The following CDH2 variants were observed in gnomAD, a reference collection of about 807,000 sequenced individuals.
CDH2 encodes the protein cadherin-2.
Under a neutral mutation model 92.0 loss-of-function variants are expected in CDH2, and 17 were observed. The ratio of observed to expected loss-of-function variants is 0.18; its 90% confidence interval spans 0.13 to 0.28. The LOEUF is 0.28. Among genes scored for constraint, CDH2 ranks in the 10% least tolerant of loss-of-function variants. CDH2 has a pLI of 1.00. For missense variants in CDH2, 862 were observed against 1,133.1 expected (o/e 0.76, Z 3.44); for synonymous variants, 419 against 415.9 (o/e 1.01, Z -0.09).
intron 14 of CDH2, among the ~76,000 whole-genome samples, chr18:27,975,458 G>C (rs972996069): frequency 4.6e-5 from 7 of 152,210 alleles, no homozygotes; most frequent in Non-Finnish European, 1.0e-4. Flanking sequence ...TCAGCCTGCT[G>C]AGCCAATTCC....
At chr18:28,117,660 C>A (rs2015517832) in intron 2 of CDH2, among the ~76,000 whole-genome samples, 3 of 152,092 alleles carry the variant, frequency 2.0e-5, no homozygotes, top group Non-Finnish European at 4.4e-5. Flanking sequence ...GAAAAATGCT[C>A]ATTTTTTGTT....
chr18:27,992,747 C>T lies in CDH2; in HGVS notation c.1252G>A (p.Ala418Thr), dbSNP rs200263846. The T allele has an allele frequency of 1.3e-5, 21 of 1,613,728 alleles. No homozygotes were observed. The highest frequency in any genetic ancestry group is 5.0e-5 in the Admixed American group (3 of 59,998). ...TCTCCGCCACTGATTCTGTACACTGCGTTCCAGGCTGGTGTATGGGGTTGA... is the reference window on the plus strand; with the variant it reads ...TCTCCGCCACTGATTCTGTACACTGTGTTCCAGGCTGGTGTATGGGGTTGA... The part of the protein sequence containing the change: ...KDQPHTPAWN[A>T]VYRISGGDPT... Residue 418 changes from alanine (A) to threonine (T), a missense_variant, in exon 9 of 16, where the codon GCA becomes ACA. Physicochemically the swap from Ala to Thr is moderately conservative, Grantham distance 58. This residue lies in a region of CDH2 where 564 missense variants were observed against 722.2 expected (regional missense o/e 0.78). Transcript: ENST00000269141.
intron 14 of CDH2, among the ~76,000 whole-genome samples, chr18:27,968,364 G>A (rs1267486403): frequency 1.3e-5 from 2 of 152,166 alleles, no homozygotes; most frequent in Non-Finnish European, 2.9e-5. Flanking sequence ...TGCCAGTGAA[G>A]AAATGCACGA....
intron 5 of CDH2, among the ~76,000 whole-genome samples, chr18:28,008,453 T>C (rs1032970577): frequency 5.9e-5 from 9 of 152,172 alleles, no homozygotes; most frequent in African/African-American, 2.2e-4. Context: ...TTTAAATTTC[T>C]CATATGCTTA....
intron 14 of CDH2, among the ~76,000 whole-genome samples, chr18:27,976,332 C>T (rs1038621119): frequency 1.1e-4 from 17 of 152,126 alleles, no homozygotes; most frequent in African/African-American, 3.9e-4. Flanking sequence ...AATAGCAGTA[C>T]CTCTTTTCAT....
intron 2 of CDH2, among the ~76,000 whole-genome samples, chr18:28,082,672 G>A (rs1235028170): frequency 6.6e-6 from 1 of 152,098 alleles, no homozygotes; most frequent in African/African-American, 2.4e-5. Flanking sequence ...TATACATGTT[G>A]TTTTATGACC....
chr18:28,146,141 A>G (rs1030200556), intron 2 of CDH2: 2 of 152,156 alleles, frequency 1.3e-5, no homozygotes, highest in Non-Finnish European at 2.9e-5. Flanking sequence ...TGCTAGTGAC[A>G]CACCATGTGT....
chr18:28,137,013 AC>A (rs1162621480), intron 2 of CDH2, among the ~76,000 whole-genome samples: 24 of 152,272 alleles, frequency 1.6e-4, no homozygotes, highest in African/African-American at 5.3e-4. Context: ...TATTTCCTAC[AC>A]TTTTTAATAC....
intron 2 of CDH2, among the ~76,000 whole-genome samples, chr18:28,122,259 A>C (rs1186545669): frequency 1.3e-5 from 2 of 152,234 alleles, no homozygotes; most frequent in East Asian, 1.9e-4. Context: ...TCTTTCAAGG[A>C]TCTACTAATA....
rs571252083 is a variant in CDH2 at position 28,038,804 on chromosome 18, G to T, written c.173-24895C>A. Among the ~76,000 whole-genome samples, 5 of 152,118 alleles carry T rather than the reference G, an allele frequency of 3.3e-5. No homozygotes were observed. In the East Asian group the frequency reaches 9.7e-4, roughly 29 times the overall value. ...TTTACTCATGGATCTTTGATAATTTGTGTGTTTCCTCTGCACCACATTCTA... is the reference window on the plus strand; with the variant it reads ...TTTACTCATGGATCTTTGATAATTTTTGTGTTTCCTCTGCACCACATTCTA... On this transcript the variant is annotated intron_variant, in intron 2 of 15. Coordinates refer to ENST00000269141, the MANE Select transcript of CDH2 (RefSeq NM_001792.5).
chr18:28,041,459 C>G (rs1352073515), intron 2 of CDH2, among the ~76,000 whole-genome samples: 1 of 152,124 alleles, frequency 6.6e-6, no homozygotes, highest in Non-Finnish European at 1.5e-5. Flanking sequence ...CTACTTTAAT[C>G]AAAGCCCGAA....
intron 2 of CDH2, among the ~76,000 whole-genome samples, chr18:28,053,976 C>G (rs989212346): frequency 6.6e-6 from 1 of 152,050 alleles, no homozygotes; most frequent in Non-Finnish European, 1.5e-5. Flanking sequence ...GTTTCTGAAT[C>G]CAGGGTTAGT....
chr18:28,127,486 G>A (rs1346589746), intron 2 of CDH2, among the ~76,000 whole-genome samples: 1 of 152,044 alleles, frequency 6.6e-6, no homozygotes, highest in Admixed American at 6.6e-5. Flanking sequence ...TCCTTATCGT[G>A]GCGCAATGGT....
chr18:28,140,628 C>G (rs992024366), intron 2 of CDH2, among the ~76,000 whole-genome samples: 1 of 151,826 alleles, frequency 6.6e-6, no homozygotes, highest in Non-Finnish European at 1.5e-5. Context: ...TCTGCAAGCA[C>G]TTTGATCTTG....
intron 1 of CDH2, among the ~76,000 whole-genome samples, chr18:28,160,410 T>C (rs142666967): frequency 1.3e-5 from 2 of 152,260 alleles, no homozygotes; most frequent in Non-Finnish European, 2.9e-5. Context: ...CAACATCTAC[T>C]GCCTAAAGAC....
At chr18:28,037,023 T>G (rs1411720667) in intron 2 of CDH2, among the ~76,000 whole-genome samples, 2 of 152,092 alleles carry the variant, frequency 1.3e-5, no homozygotes, top group African/African-American at 4.8e-5. Flanking sequence ...AAGAAGGAAC[T>G]TGGGTGAAAA....
At chr18:28,065,669 A>C (rs939526322) in intron 2 of CDH2, among the ~76,000 whole-genome samples, 1 of 152,202 alleles carries the variant, frequency 6.6e-6, no homozygotes, top group African/African-American at 2.4e-5. Context: ...CTGACTTTGT[A>C]AGAAATGTTA....
At chr18:28,136,402 T>TA (rs1261522835) in intron 2 of CDH2, among the ~76,000 whole-genome samples, 1 of 151,718 alleles carries the variant, frequency 6.6e-6, no homozygotes, top group Non-Finnish European at 1.5e-5. Flanking sequence ...TTTTTTTTTT[T>TA]ACCATCAAGT....
intron 2 of CDH2, among the ~76,000 whole-genome samples, chr18:28,107,103 T>C (rs2015334236): frequency 6.6e-6 from 1 of 152,138 alleles, no homozygotes; most frequent in African/African-American, 2.4e-5. Flanking sequence ...GTCCATTTAC[T>C]GCAGCAATAT....
Sources: gnomAD v4.1 joint callset for allele counts (sites outside exome capture counted in the v4.1 genomes callset) on GRCh38, gnomAD v4.1.1 for gene constraint, gnomAD v4.1.1 regional missense constraint, MANE v1.5 for transcripts, NCBI Gene and HGNC (gene_info 2026-07-23, HGNC 2026-07-21) for gene names.